The following DYTN variants were observed in gnomAD, a reference collection of about 807,000 sequenced individuals.
DYTN encodes dystrotelin.
DYTN carries 75 observed loss-of-function variants against 69.6 expected under a neutral mutation model. That is an observed-to-expected ratio of 1.08 (90% CI 0.89 to 1.31). DYTN has a LOEUF of 1.31. Ranked by LOEUF, DYTN falls within the 50% of genes most tolerant of loss-of-function variation. The pLI, the probability that DYTN is intolerant of heterozygous loss-of-function variation, is 0.00. For synonymous variants in DYTN, 252 were observed against 249.1 expected (o/e 1.01, Z -0.11); for missense variants, 726 against 688.4 (o/e 1.05, Z -0.61).
intron 11 of DYTN, among the ~76,000 whole-genome samples, chr2:206,656,006 T>G (rs2105885855): frequency 6.6e-6 from 1 of 152,300 alleles, no homozygotes; most frequent in African/African-American, 2.4e-5. Context: ...CCTATTTGGT[T>G]TACTGTTTTC....
intron 2 of DYTN, 39 bp from the exon 3 acceptor site, chr2:206,707,542 A>G (rs1484819122): frequency 7.0e-6 from 11 of 1,567,200 alleles, no homozygotes; most frequent in Admixed American, 1.9e-5. Flanking sequence ...TTATTTTCTG[A>G]TGGGAACAAA....
chr2:206,712,769 C>G (rs1700088894), intron 1 of DYTN, among the ~76,000 whole-genome samples: 1 of 152,254 alleles, frequency 6.6e-6, no homozygotes. Flanking sequence ...TCTCCCACTT[C>G]CATGGGGGCA....
chr2:206,689,598 T>A (rs1327541901), intron 9 of DYTN, among the ~76,000 whole-genome samples: 1 of 152,168 alleles, frequency 6.6e-6, no homozygotes, highest in East Asian at 1.9e-4. Context: ...TCATCTCACC[T>A]CCAGAAATAC....
At position 206,718,258 on chromosome 2, in the gene DYTN, C is replaced by A. The variant is rs771058783; in HGVS notation, c.19+3G>T. The A allele has an allele frequency of 1.3e-6, 2 of 1,597,118 alleles. No individual in the cohort carries two copies. The highest frequency in any genetic ancestry group is 1.7e-6 in the Non-Finnish European group (2 of 1,171,780). On this transcript the variant is annotated splice_donor_region_variant and intron_variant, in intron 1 of 11. Transcript: ENST00000452335. The stretch of plus-strand genomic sequence containing the variant: ...TGCTCAGAAACTTGACAATAATACT[C>A]ACCTTGTTTATCTGGATCCATTTCA...
intron 8 of DYTN, among the ~76,000 whole-genome samples, 162 bp downstream of exon 8, chr2:206,694,604 T>C (rs768030276): frequency 6.6e-5 from 10 of 152,166 alleles, no homozygotes; most frequent in Non-Finnish European, 1.5e-4. Flanking sequence ...ATACTTACGT[T>C]GGGAGATATT....
rs935256838 is a variant in DYTN, at chr2:206,699,892, T to C, written c.556-2A>G. The C allele has an allele frequency of 2.5e-6, 4 of 1,610,346 alleles. No homozygotes were observed. Among genetic ancestry groups the C allele is most frequent in the Non-Finnish European group, 3.4e-6 (4 of 1,178,636 alleles). On this transcript the variant is annotated splice_acceptor_variant, in intron 6 of 11. Transcript: ENST00000452335. LOFTEE classifies it high-confidence loss of function. ...TTCTTTGATTGCTGGGCTCAACACC[T>C]GAAAAACAATGGCACTCTAAGATGT...
At chr2:206,709,595 T>G (rs1027155181) in intron 2 of DYTN, among the ~76,000 whole-genome samples, 2 of 152,094 alleles carry the variant, frequency 1.3e-5, no homozygotes, top group South Asian at 2.1e-4. Flanking sequence ...GGCTAACTCT[T>G]TTTTGCCCTA....
intron 5 of DYTN, among the ~76,000 whole-genome samples, chr2:206,703,994 G>A (rs1489546058): frequency 6.6e-6 from 1 of 152,166 alleles, no homozygotes; most frequent in Admixed American, 6.5e-5. Context: ...ACATCTTTAA[G>A]GAGGTTAAAT....
At chr2:206,701,776 G>A (rs573228460) in intron 5 of DYTN, among the ~76,000 whole-genome samples, 2 of 152,252 alleles carry the variant, frequency 1.3e-5, no homozygotes, top group East Asian at 3.9e-4. Context: ...CAGGTTTGAA[G>A]TATCCTCAAA....
At chr2:206,674,524 T>G (rs1180505692) in intron 9 of DYTN, among the ~76,000 whole-genome samples, 1 of 152,102 alleles carries the variant, frequency 6.6e-6, no homozygotes, top group African/African-American at 2.4e-5. Flanking sequence ...ATAATTTCTA[T>G]GTTAGATAAA....
chr2:206,694,331 T>C (rs576079729), intron 8 of DYTN, among the ~76,000 whole-genome samples: 4 of 152,254 alleles, frequency 2.6e-5, no homozygotes, highest in African/African-American at 9.6e-5. Flanking sequence ...AAAGAAGAAA[T>C]ATTTGAAATT....
chr2:206,695,352 TG>T (rs1245459131), intron 7 of DYTN, among the ~76,000 whole-genome samples: 3 of 152,244 alleles, frequency 2.0e-5, no homozygotes, highest in African/African-American at 7.2e-5. Context: ...CCTGTATTCC[TG>T]AGTGGTGTTG....
chr2:206,711,959 A>G (rs1268000299), intron 1 of DYTN, among the ~76,000 whole-genome samples: 1 of 152,206 alleles, frequency 6.6e-6, no homozygotes, highest in Non-Finnish European at 1.5e-5. Flanking sequence ...TCTAGAAAAA[A>G]TAACTATAGA....
intron 5 of DYTN, chr2:206,701,244 T>C (rs1699973488): frequency 6.6e-6 from 1 of 152,142 alleles, no homozygotes; most frequent in Non-Finnish European, 1.5e-5. Context: ...TTTTAAGAAA[T>C]GCCAATTTCT....
intron 11 of DYTN, among the ~76,000 whole-genome samples, chr2:206,655,517 C>G (rs1406545050): frequency 6.6e-6 from 1 of 152,112 alleles, no homozygotes; most frequent in Non-Finnish European, 1.5e-5. Flanking sequence ...TCAGGCCATC[C>G]TCCTGCTTCA....
intron 9 of DYTN, among the ~76,000 whole-genome samples, chr2:206,692,419 G>A (rs542192428): frequency 7.2e-5 from 11 of 152,256 alleles, no homozygotes; most frequent in African/African-American, 2.4e-4. Flanking sequence ...GAAGTGGCAG[G>A]CTGTGCCCCT....
intron 9 of DYTN, among the ~76,000 whole-genome samples, chr2:206,666,562 A>G (rs1219469130): frequency 6.6e-6 from 1 of 152,192 alleles, no homozygotes; most frequent in Non-Finnish European, 1.5e-5. Context: ...GAAATACTCC[A>G]TTCAGAATGA....
intron 1 of DYTN, among the ~76,000 whole-genome samples, chr2:206,715,272 C>G (rs1251177771): frequency 1.3e-5 from 2 of 152,122 alleles, no homozygotes; most frequent in Admixed American, 6.5e-5. Context: ...GATGGAGAAA[C>G]TGGGTGCCTG....
chr2:206,663,024 C>A lies in DYTN; in HGVS notation c.1512G>T (p.Leu504=). The A allele has an allele frequency of 6.2e-7, 1 of 1,613,826 alleles. No individual in the cohort carries two copies. Among genetic ancestry groups the A allele is most frequent in the South Asian group, 1.1e-5 (1 of 91,060 alleles). The change falls in exon 11 of 12, where the codon CTG becomes CTT. Residue 504 remains leucine, a synonymous_variant. Coordinates refer to ENST00000452335, the MANE Select transcript of DYTN (RefSeq NM_001093730.1). ...MVPAEMSSPA[L]AAVEKKEAGN... ...CTGCCTCTTTCTTTTCCACGGCTGC[C>A]AGAGCAGGACTGCTCATTTCAGCAG...
Sources: allele counts gnomAD v4.1 joint callset (sites outside exome capture counted in the v4.1 genomes callset), GRCh38; gene constraint gnomAD v4.1.1; transcripts MANE v1.5; gene names NCBI Gene and HGNC (gene_info 2026-07-23, HGNC 2026-07-21).